Variants in NAT1 observed in about 807,000 individuals in gnomAD.
NAT1 encodes the protein arylamine N-acetyltransferase 1.
For missense variants in NAT1, 400 were observed against 339.2 expected, an observed-to-expected ratio of 1.18 and a Z score of -1.41; for synonymous variants, 144 against 122.6, an observed-to-expected ratio of 1.17 and a Z score of -1.16.
upstream of NAT1, among the ~76,000 whole-genome samples, chr8:18,205,719 T>G (rs977354277): frequency 2.0e-5 from 3 of 152,086 alleles, no homozygotes; most frequent in Non-Finnish European, 2.9e-5. Context: ...GAAGCTGCAG[T>G]GTGGAGAGGG....
intron 2 of NAT1, among the ~76,000 whole-genome samples, chr8:18,220,226 A>G (rs1384591534): frequency 6.6e-6 from 1 of 152,226 alleles, no homozygotes; most frequent in African/African-American, 2.4e-5. Context: ...GAAGAAATGC[A>G]ATCTAATAGA....
intron 2 of NAT1, among the ~76,000 whole-genome samples, chr8:18,190,981 C>T (rs1225612772): frequency 2.0e-5 from 3 of 151,774 alleles, no homozygotes; most frequent in Admixed American, 1.3e-4. Context: ...GCAGGAGAAT[C>T]TCTTGAACCA....
At chr8:18,215,819 G>A (rs1589115833) in intron 1 of NAT1, among the ~76,000 whole-genome samples, 1 of 152,254 alleles carries the variant, frequency 6.6e-6, no homozygotes, top group South Asian at 2.1e-4. Context: ...GAGATGTCCA[G>A]CTGGGGTTGG....
rs1175622624 is a variant in NAT1, at chr8:18,176,578, C to T, written n.92+5839C>T. On this transcript the variant is annotated intron_variant and non_coding_transcript_variant, in intron 2 of 4. Coordinates refer to the NAT1 transcript ENST00000517441. ...TTGGTTGAGGCGTCTGTTTTTATGCCAGTGCCATGCTGTTTTTTTGTTTTG... is the reference window on the plus strand; with the variant it reads ...TTGGTTGAGGCGTCTGTTTTTATGCTAGTGCCATGCTGTTTTTTTGTTTTG... Among the ~76,000 whole-genome samples, 18 of 146,578 alleles carry T rather than the reference C, an allele frequency of 1.2e-4. No homozygotes were observed. In the Admixed American group the frequency reaches 1.2e-3, roughly 10 times the overall value.
At chr8:18,171,048 T>G (rs921874315) in intron 2 of NAT1, among the ~76,000 whole-genome samples, 1 of 152,130 alleles carries the variant, frequency 6.6e-6, no homozygotes, top group African/African-American at 2.4e-5. Context: ...TTGGGGTAGG[T>G]AATTTTGATC....
chr8:18,188,648 C>G (rs1272470875), intron 2 of NAT1, among the ~76,000 whole-genome samples: 2 of 151,400 alleles, frequency 1.3e-5, no homozygotes, highest in African/African-American at 4.9e-5. Flanking sequence ...AGTTTTTTAG[C>G]TTTTTTAAAT....
intron 2 of NAT1, among the ~76,000 whole-genome samples, chr8:18,202,155 A>G (rs897738460): frequency 1.3e-5 from 2 of 152,186 alleles, no homozygotes; most frequent in Admixed American, 6.5e-5. Context: ...TTTGTGTAAG[A>G]TATTTTTCCT....
chr8:18,189,009 A>AAAAG (rs1554469683), intron 2 of NAT1, among the ~76,000 whole-genome samples: 36 of 149,234 alleles, frequency 2.4e-4, no homozygotes, highest in South Asian at 8.5e-4. Context: ...AAAAAAAAAA[A>AAAAG]AAAGAAAGAA....
chr8:18,171,455 G>A (rs1245973867), intron 2 of NAT1, among the ~76,000 whole-genome samples: 1 of 151,466 alleles, frequency 6.6e-6, no homozygotes, highest in African/African-American at 2.4e-5. Flanking sequence ...AAGAAAGAGG[G>A]GTGCAGTTTG....
chr8:18,191,856 T>G (rs1399690449), intron 2 of NAT1, among the ~76,000 whole-genome samples: 1 of 152,046 alleles, frequency 6.6e-6, no homozygotes, highest in Non-Finnish European at 1.5e-5. Flanking sequence ...GATTAAAGAC[T>G]TAAACATTAG....
At chr8:18,195,771 A>C (rs918543400) in intron 2 of NAT1, among the ~76,000 whole-genome samples, 1 of 152,178 alleles carries the variant, frequency 6.6e-6, no homozygotes, top group Non-Finnish European at 1.5e-5. Flanking sequence ...CATCAGCTGC[A>C]CTCAGAGCCC....
chr8:18,199,649 G>C (rs1022708270), intron 2 of NAT1, among the ~76,000 whole-genome samples: 4 of 152,146 alleles, frequency 2.6e-5, no homozygotes, highest in African/African-American at 7.2e-5. Flanking sequence ...AGTAGTACCA[G>C]GAATTGCTTT....
intron 2 of NAT1, among the ~76,000 whole-genome samples, chr8:18,172,041 A>T (rs1802115879): frequency 6.6e-6 from 1 of 152,194 alleles, no homozygotes; most frequent in South Asian, 2.1e-4. Flanking sequence ...AGCATCATTT[A>T]AAACACTGAA....
intron 2 of NAT1, among the ~76,000 whole-genome samples, chr8:18,175,402 C>T (rs181454577): frequency 1.1e-3 from 171 of 152,116 alleles, no homozygotes; most frequent in African/African-American, 4.0e-3. Context: ...GGTAATCCCT[C>T]TATACTTTTT....
rs1297544941 is a variant in NAT1 at position 18,175,360 on chromosome 8, T to C, written n.92+4621T>C. 3.9e-5 allele frequency among the ~76,000 whole-genome samples: 6 copies of C among 152,072 alleles called. No homozygotes were observed. The South Asian group carries it at 1.2e-3, about 31-fold the overall frequency. On this transcript the variant is annotated intron_variant and non_coding_transcript_variant, in intron 2 of 4. Transcript: ENST00000517441. ...GTACCCTTTGATCAACATCTTTCCA[T>C]TCCCCATCCCTCCTCCTCTCCCCTA...
intron 2 of NAT1, among the ~76,000 whole-genome samples, chr8:18,220,794 G>T (rs924886635): frequency 6.8e-6 from 1 of 147,606 alleles, no homozygotes; most frequent in Non-Finnish European, 1.5e-5. Context: ...GTAGCAGAAT[G>T]TACACGCTTA....
chr8:18,212,568 A>C (rs1428054976), intron 1 of NAT1: 1 of 152,138 alleles, frequency 6.6e-6, no homozygotes. Context: ...GGCTTTCCAG[A>C]CCTCCTACTA....
chr8:18,193,983 G>A (rs1161799485), intron 2 of NAT1, among the ~76,000 whole-genome samples: 2 of 152,150 alleles, frequency 1.3e-5, no homozygotes, highest in African/African-American at 2.4e-5. Context: ...ACGGTTGCAT[G>A]CATCTCCATC....
At chr8:18,174,365 C>T (rs7003508) in intron 2 of NAT1, among the ~76,000 whole-genome samples, 39,601 of 151,842 alleles carry the variant, frequency 0.26, 5,752 homozygotes, top group African/African-American at 0.38. Flanking sequence ...TTTAGCTTTC[C>T]ACTCATTCAC....
Sources: gnomAD v4.1 joint callset for allele counts (sites outside exome capture counted in the v4.1 genomes callset) on GRCh38, gnomAD v4.1.1 for gene constraint, MANE v1.5 for transcripts, NCBI Gene and HGNC (gene_info 2026-07-23, HGNC 2026-07-21) for gene names.